The following ATP10B variants were observed in gnomAD, a reference collection of about 807,000 sequenced individuals.
ATP10B encodes phospholipid-transporting ATPase VB.
Under a neutral mutation model 141.2 loss-of-function variants are expected in ATP10B, and 122 were observed. That is an observed-to-expected ratio of 0.86 (90% CI 0.75 to 1.00). The LOEUF is 1.00. Ranked by LOEUF, ATP10B falls within the 50% of genes least tolerant of loss-of-function variation. ATP10B has a pLI of 0.00. For missense variants in ATP10B, 1,876 were observed against 1,825.3 expected, an observed-to-expected ratio of 1.03 and a Z score of -0.51; for synonymous variants, 685 against 692.0, an observed-to-expected ratio of 0.99 and a Z score of 0.16.
rs192009436 is a variant in ATP10B, at chr5:160,751,834, G to C, written c.-331+33725C>G. ...ATGGATGTGTGCGTGTTTGTGGTGGGGGACAGGAGAAAGAAAAAGTATATT... is the reference window on the plus strand; with the variant it reads ...ATGGATGTGTGCGTGTTTGTGGTGGCGGACAGGAGAAAGAAAAAGTATATT... On this transcript the variant is annotated intron_variant, in intron 2 of 25. Coordinates refer to ENST00000327245, the MANE Select transcript of ATP10B (RefSeq NM_025153.3). Among the ~76,000 whole-genome samples the C allele has an allele frequency of 9.9e-5, 15 of 152,220 alleles. No individual in the cohort carries two copies. In the East Asian group the frequency reaches 2.7e-3, roughly 27 times the overall value.
chr5:160,757,928 C>T (rs1308825380), intron 2 of ATP10B, among the ~76,000 whole-genome samples: 2 of 152,076 alleles, frequency 1.3e-5, no homozygotes, highest in Admixed American at 6.6e-5. Context: ...AGTAGCACCC[C>T]GACTCCCAAG....
At chr5:160,802,748 T>C (rs1348722693) in intron 1 of ATP10B, among the ~76,000 whole-genome samples, 1 of 152,138 alleles carries the variant, frequency 6.6e-6, no homozygotes, top group Non-Finnish European at 1.5e-5. Flanking sequence ...GACTGTACAT[T>C]AGGGGGCAGC....
the ATP10B span, among the ~76,000 whole-genome samples, chr5:160,871,858 T>C: frequency 6.6e-6 from 1 of 152,142 alleles, no homozygotes; most frequent in Non-Finnish European, 1.5e-5. Flanking sequence ...AATGACTTTT[T>C]TGTATAATGA....
intron 2 of ATP10B, among the ~76,000 whole-genome samples, chr5:160,721,881 GAGC>G (rs1766022130): frequency 1.3e-5 from 2 of 152,254 alleles, no homozygotes; most frequent in Non-Finnish European, 1.5e-5. Flanking sequence ...TCCTGTCTTG[GAGC>G]CATTATAGCA....
chr5:160,699,914 T>C (rs953491277), intron 3 of ATP10B, among the ~76,000 whole-genome samples: 3 of 152,166 alleles, frequency 2.0e-5, no homozygotes, highest in African/African-American at 7.2e-5. Context: ...TATAATATAA[T>C]GTCCTTCCAT....
At chr5:160,702,227 T>G (rs551191092) in intron 3 of ATP10B, among the ~76,000 whole-genome samples, 1 of 152,370 alleles carries the variant, frequency 6.6e-6, no homozygotes, top group East Asian at 1.9e-4. Flanking sequence ...ATTTCTATTA[T>G]CTCATTTTAT....
At chr5:160,841,472 G>A (rs1775806643) in intron 1 of ATP10B, among the ~76,000 whole-genome samples, 1 of 152,086 alleles carries the variant, frequency 6.6e-6, no homozygotes, top group African/African-American at 2.4e-5. Context: ...AAATACAGGA[G>A]GCAGTGTCAC....
At chr5:160,905,750 T>C in the ATP10B span, among the ~76,000 whole-genome samples, 1 of 152,130 alleles carries the variant, frequency 6.6e-6, no homozygotes, top group East Asian at 1.9e-4. Flanking sequence ...AACCCAACTG[T>C]AGCATGTAAC....
chr5:160,565,607 T>A lies in ATP10B; in HGVS notation c.4232A>T (p.Asp1411Val). 1 of 1,614,004 alleles carries A rather than the reference T, an allele frequency of 6.2e-7. No homozygotes were observed. Among genetic ancestry groups the A allele is most frequent in the South Asian group, 1.1e-5 (1 of 91,080 alleles). ...AGCTGAGGAGTCCCCTGAGCATGAG[T>A]CATCCCTCATGCACTCCGTGCCACA... ...QRCGTECMRDDSCSGDSSAQL... is the reference protein window; with the variant it reads ...QRCGTECMRDVSCSGDSSAQL... Residue 1411 changes from aspartate (D) to valine (V), a missense_variant, in exon 26 of 26, where the codon GAC (aspartate) becomes GTC (valine). By Grantham distance (152) the Asp-to-Val change is radical. Transcript: ENST00000327245.
At chr5:160,653,210 A>G (rs1395429211) in intron 7 of ATP10B, among the ~76,000 whole-genome samples, 1 of 135,574 alleles carries the variant, frequency 7.4e-6, no homozygotes, top group Non-Finnish European at 1.5e-5. Context: ...TATATACTAT[A>G]TATCATATAT....
chr5:160,893,485 C>G, the ATP10B span, among the ~76,000 whole-genome samples: 1 of 152,318 alleles, frequency 6.6e-6, no homozygotes, highest in South Asian at 2.1e-4. Context: ...TGTAGCCAGA[C>G]TTTCTCTCTA....
chr5:160,823,721 C>G (rs1400156287), intron 1 of ATP10B, among the ~76,000 whole-genome samples: 1 of 152,050 alleles, frequency 6.6e-6, no homozygotes, highest in Non-Finnish European at 1.5e-5. Flanking sequence ...GTAGTCCCAG[C>G]TACTTGGGAG....
chr5:160,752,961 G>A (rs1345557032), intron 2 of ATP10B, among the ~76,000 whole-genome samples: 1 of 152,112 alleles, frequency 6.6e-6, no homozygotes, highest in Non-Finnish European at 1.5e-5. Context: ...CTTACTTTCT[G>A]CTTTAAGAAT....
In ATP10B at chr5:160,687,877, G is replaced by C; in HGVS notation, c.198C>G (p.Tyr66Ter). 4 of 1,614,138 alleles carry C rather than the reference G, an allele frequency of 2.5e-6. No homozygotes were observed. The highest frequency in any genetic ancestry group is 2.5e-6 in the Non-Finnish European group (3 of 1,180,010). Residue 66 changes from tyrosine (Y) to a stop codon, truncating the protein, a stop_gained, in exon 5 of 26, where the codon TAC becomes TAG. Coordinates refer to ENST00000327245, the MANE Select transcript of ATP10B (RefSeq NM_025153.3). LOFTEE classifies it high-confidence loss of function. ...HQDWEEVSRR[Y>*]PGNRTCTTKY... Reference sequence around the variant, plus strand: ...TGGTTGTGCAGGTTCTGTTGCCAGGGTATCTCCTGGAGACCTCTTCCCAAT... The same window carrying C: ...TGGTTGTGCAGGTTCTGTTGCCAGGCTATCTCCTGGAGACCTCTTCCCAAT...
chr5:160,671,197 A>C (rs1268098501), intron 6 of ATP10B, among the ~76,000 whole-genome samples: 2 of 150,988 alleles, frequency 1.3e-5, no homozygotes, highest in African/African-American at 4.9e-5. Flanking sequence ...AAAAAACCCA[A>C]ACCAAAACAA....
chr5:160,827,023 C>T (rs547849790), intron 1 of ATP10B, among the ~76,000 whole-genome samples: 23 of 152,276 alleles, frequency 1.5e-4, no homozygotes, highest in African/African-American at 3.6e-4. Flanking sequence ...CTCAGAAGCA[C>T]GTGATCTTTG....
At chr5:160,783,153 C>G (rs1770844203) in intron 2 of ATP10B, among the ~76,000 whole-genome samples, 1 of 151,566 alleles carries the variant, frequency 6.6e-6, no homozygotes. Flanking sequence ...TATTTGTAGT[C>G]TTATCCCTTG....
intron 1 of ATP10B, among the ~76,000 whole-genome samples, chr5:160,839,203 G>A (rs535747317): frequency 2.3e-4 from 35 of 152,134 alleles, no homozygotes; most frequent in Non-Finnish European, 4.4e-4. Context: ...ATATTGAATT[G>A]TGTAAAAATT....
intron 2 of ATP10B, among the ~76,000 whole-genome samples, chr5:160,718,252 C>A (rs1288494498): frequency 6.6e-6 from 1 of 152,074 alleles, no homozygotes; most frequent in African/African-American, 2.4e-5. Flanking sequence ...TGGGTACATA[C>A]CAGAAAGCCC....
Sources: allele counts gnomAD v4.1 joint callset (sites outside exome capture counted in the v4.1 genomes callset), GRCh38; gene constraint gnomAD v4.1.1; transcripts MANE v1.5; gene names NCBI Gene and HGNC (gene_info 2026-07-23, HGNC 2026-07-21).